TRIM24: variants seen among roughly 807,000 people sequenced by gnomAD.
TRIM24 encodes the protein transcription intermediary factor 1-alpha.
A neutral mutation model predicts 123.9 loss-of-function variants in TRIM24; 29 were observed. That is an observed-to-expected ratio of 0.23 (90% CI 0.17 to 0.32). The LOEUF is 0.32. TRIM24 is among the 10% of genes least tolerant of loss of function. The pLI is 1.00. For missense variants in TRIM24, 932 were observed against 1,295.3 expected (o/e 0.72, Z 4.31); for synonymous variants, 456 against 461.1 (o/e 0.99, Z 0.14).
intron 10 of TRIM24, among the ~76,000 whole-genome samples, chr7:138,570,411 A>G (rs765692929): frequency 1.3e-5 from 2 of 152,218 alleles, no homozygotes; most frequent in African/African-American, 4.8e-5. Flanking sequence ...ATATATGAGA[A>G]GAGGAATATA....
chr7:138,564,958 G>A (rs551836497), intron 9 of TRIM24, among the ~76,000 whole-genome samples: 4 of 152,106 alleles, frequency 2.6e-5, no homozygotes, highest in South Asian at 4.2e-4. Flanking sequence ...CGTCCCCCTC[G>A]CAGGAGTATT....
intron 1 of TRIM24, among the ~76,000 whole-genome samples, chr7:138,487,845 G>T (rs1294008681): frequency 6.6e-6 from 1 of 152,104 alleles, no homozygotes; most frequent in African/African-American, 2.4e-5. Flanking sequence ...GCAGATTTAT[G>T]ATGCTGGCCT....
intron 4 of TRIM24, 115 bp downstream of exon 4, chr7:138,519,436 T>A (rs1448239751): frequency 8.5e-7 from 1 of 1,178,218 alleles, no homozygotes; most frequent in Non-Finnish European, 1.2e-6. Flanking sequence ...TGGCCAGCAC[T>A]ATGCTGGCCT....
chr7:138,463,049 T>TTTTG lies in TRIM24; in HGVS notation c.364+2140_364+2141insGTTT, dbSNP rs1554429465. On this transcript the variant is annotated intron_variant, in intron 1 of 18. Transcript: ENST00000343526. ...CACGTCCGGCTAATTTTGTGTTTTTTTTTTTTTTTTTTTTTTTTTTGGTAG... is the reference window on the plus strand; with the variant it reads ...CACGTCCGGCTAATTTTGTGTTTTTTTTTGTTTTTTTTTTTTTTTTTTTTGGTAG... 6.6e-4 allele frequency among the ~76,000 whole-genome samples: 83 copies of TTTTG among 126,558 alleles called. 3 individuals carry two copies. Among genetic ancestry groups the TTTTG allele is most frequent in the African/African-American group, 2.3e-3 (82 of 35,476 alleles). 83.0% of individuals were successfully genotyped at this position (126,558 alleles called of 152,430 possible). A position where few individuals can be genotyped will look rare whatever the true frequency, so the allele number is the denominator to read the frequency against.
At chr7:138,539,474 C>T (rs1358471231) in intron 7 of TRIM24, among the ~76,000 whole-genome samples, 1 of 152,108 alleles carries the variant, frequency 6.6e-6, no homozygotes, top group African/African-American at 2.4e-5. Flanking sequence ...TTCTAACAAG[C>T]CTTCAGGTGA....
intron 1 of TRIM24, among the ~76,000 whole-genome samples, chr7:138,483,251 T>C (rs186185621): frequency 1.3e-5 from 2 of 151,926 alleles, no homozygotes; most frequent in African/African-American, 4.8e-5. Context: ...TGTTAAAAAA[T>C]TTTTTTTTCA....
At chr7:138,500,563 CAAAAA>C (rs773042715) in intron 1 of TRIM24, among the ~76,000 whole-genome samples, 18 of 61,430 alleles carry the variant, frequency 2.9e-4, no homozygotes, top group African/African-American at 8.9e-4. Flanking sequence ...GACCTTGTTT[CAAAAA>C]AAAAAAAAAA....
chr7:138,520,972 G>A (rs779189646), intron 4 of TRIM24, among the ~76,000 whole-genome samples: 11 of 152,188 alleles, frequency 7.2e-5, no homozygotes, highest in African/African-American at 2.2e-4. Context: ...AGAAGCTGAC[G>A]AAAGGCATTC....
Position 138,571,113 on chromosome 7 carries a change from T to A in TRIM24, c.1878+110T>A. Reference sequence around the variant, plus strand: ...GGGAGGCTGAGGCAGACAGATTACTTGAGGTCAGGAGTTCGAGACTAGCCT... The same window carrying A: ...GGGAGGCTGAGGCAGACAGATTACTAGAGGTCAGGAGTTCGAGACTAGCCT... On this transcript the variant is annotated intron_variant, in intron 11 of 18. Transcript: ENST00000343526. 7 of 1,131,890 alleles carry A rather than the reference T, an allele frequency of 6.2e-6. No individual in the cohort carries two copies. In the South Asian group the frequency reaches 8.6e-5, roughly 14 times the overall value. 70.1% of individuals were successfully genotyped at this position (1,131,890 alleles called of 1,614,324 possible). A position where few individuals can be genotyped will look rare whatever the true frequency, so the allele number is the denominator to read the frequency against.
chr7:138,471,820 C>A (rs1795278998), intron 1 of TRIM24, among the ~76,000 whole-genome samples: 1 of 152,180 alleles, frequency 6.6e-6, no homozygotes, highest in African/African-American at 2.4e-5. Flanking sequence ...GGATTACAGG[C>A]ATGAGCCACC....
chr7:138,491,622 C>G (rs116876449), intron 1 of TRIM24, among the ~76,000 whole-genome samples: 1 of 152,096 alleles, frequency 6.6e-6, no homozygotes, highest in Non-Finnish European at 1.5e-5. Context: ...TTAGCTCTTA[C>G]GAATAATACT....
chr7:138,526,211 T>C (rs940247217), intron 5 of TRIM24, among the ~76,000 whole-genome samples: 9 of 152,222 alleles, frequency 5.9e-5, no homozygotes, highest in African/African-American at 2.2e-4. Context: ...CATCACAATC[T>C]ATTATTATCA....
At position 138,562,907 on chromosome 7, in the gene TRIM24, A is replaced by G. The variant is rs150770332; in HGVS notation, c.1531-4574A>G. Among the ~76,000 whole-genome samples, 155 of 152,284 alleles carry G rather than the reference A, an allele frequency of 1.0e-3. 1 individual carries two copies. The highest frequency in any genetic ancestry group is 3.5e-3 in the African/African-American group (147 of 41,560). On this transcript the variant is annotated intron_variant, in intron 9 of 18. Coordinates refer to ENST00000343526, the MANE Select transcript of TRIM24 (RefSeq NM_015905.3). ...AAAGCAATCTGTGCTTGCAGTTTTCAGAGTAGGTCTCTCCCCAGCAGGGGA... is the reference window on the plus strand; with the variant it reads ...AAAGCAATCTGTGCTTGCAGTTTTCGGAGTAGGTCTCTCCCCAGCAGGGGA...
Position 138,573,530 on chromosome 7 carries a change from G to A in TRIM24, c.1902G>A (p.Met634Ile). 2 of 1,608,576 alleles carry A rather than the reference G, an allele frequency of 1.2e-6. No homozygotes were observed. The highest frequency in any genetic ancestry group is 1.7e-6 in the Non-Finnish European group (2 of 1,177,742). Residue 634 changes from methionine (M) to isoleucine (I), a missense_variant, in exon 12 of 19, where the codon ATG becomes ATA. By Grantham distance (10) the Met-to-Ile change is conservative. Transcript: ENST00000343526. ...LPDIDCSSTI[M>I]LDNIVRKDTN... ...AGATTGACTGTTCAAGTACTATTAT[G>A]CTGGACAATATTGTGAGGAAAGATA...
intron 4 of TRIM24, among the ~76,000 whole-genome samples, chr7:138,524,208 A>G (rs1012669914): frequency 1.5e-4 from 23 of 152,338 alleles, no homozygotes; most frequent in African/African-American, 5.0e-4. Context: ...TTAGCAAACT[A>G]GAAATAAAAA....
chr7:138,542,025 A>G (rs1797014611), intron 7 of TRIM24, among the ~76,000 whole-genome samples: 1 of 152,154 alleles, frequency 6.6e-6, no homozygotes, highest in Non-Finnish European at 1.5e-5. Context: ...TCTGAATTAG[A>G]TCTTGGGTTA....
At chr7:138,576,252 T>A in intron 12 of TRIM24, 121 bp from the exon 13 acceptor site, 1 of 950,638 alleles carries the variant, frequency 1.1e-6, no homozygotes, top group Admixed American at 1.9e-5. Flanking sequence ...AACTACTTAC[T>A]GTTTCATAGA....
At chr7:138,551,590 CATGT>C (rs1186391279) in intron 8 of TRIM24, among the ~76,000 whole-genome samples, 3 of 152,164 alleles carry the variant, frequency 2.0e-5, no homozygotes, top group African/African-American at 7.2e-5. Flanking sequence ...AACACACATA[CATGT>C]ATAGCTGATA....
intron 7 of TRIM24, among the ~76,000 whole-genome samples, chr7:138,542,756 A>G (rs1797029554): frequency 6.6e-6 from 1 of 152,232 alleles, no homozygotes; most frequent in African/African-American, 2.4e-5. Context: ...ATTTTAAAAT[A>G]AGGAAATGTG....
Sources: allele counts gnomAD v4.1 joint callset (sites outside exome capture counted in the v4.1 genomes callset), GRCh38; gene constraint gnomAD v4.1.1; transcripts MANE v1.5; gene names NCBI Gene and HGNC (gene_info 2026-07-23, HGNC 2026-07-21).